Variants in PCLO observed in about 807,000 individuals in gnomAD.
PCLO encodes the protein protein piccolo.
In PCLO, 82 loss-of-function variants were observed where a neutral mutation model predicts 427.5. That is an observed-to-expected ratio of 0.19 (90% CI 0.16 to 0.23). The LOEUF (loss-of-function observed/expected upper bound fraction) is 0.23. Among genes scored for constraint, PCLO ranks in the 10% least tolerant of loss-of-function variants. The pLI, the probability that PCLO is intolerant of heterozygous loss-of-function variation, is 1.00. For synonymous variants in PCLO, 2,357 were observed against 2,155.4 expected (o/e 1.09, Z -2.59); for missense variants, 6,239 against 6,115.9 (o/e 1.02, Z -0.67).
Position 82,909,023 on chromosome 7 carries a change from C to T in PCLO, c.13301-10G>A. 6.2e-7 allele frequency: 1 copy of T among 1,611,646 alleles called. No individual in the cohort carries two copies. The highest frequency in any genetic ancestry group is 8.5e-7 in the Non-Finnish European group (1 of 1,178,672). On this transcript the variant is annotated splice_polypyrimidine_tract_variant and intron_variant, in intron 7 of 24. Transcript: ENST00000333891. ...CGACGCAGATGATAGGCTTTGGACA[C>T]CAAGGAAACATCATACATTGCAACG...
At chr7:82,971,612 A>G (rs1316052081) in intron 3 of PCLO, among the ~76,000 whole-genome samples, 2 of 147,652 alleles carry the variant, frequency 1.4e-5, no homozygotes, top group East Asian at 1.9e-4. Context: ...ATGATATATG[A>G]TATCGTATAG....
chr7:82,882,424 A>G (rs1793530493), intron 9 of PCLO, among the ~76,000 whole-genome samples: 1 of 152,142 alleles, frequency 6.6e-6, no homozygotes, highest in African/African-American at 2.4e-5. Context: ...ATCTCAAAAC[A>G]TTGATGAAAT....
At chr7:82,997,544 C>T (rs1457297141) in intron 3 of PCLO, among the ~76,000 whole-genome samples, 1 of 151,862 alleles carries the variant, frequency 6.6e-6, no homozygotes, top group Non-Finnish European at 1.5e-5. Flanking sequence ...AAGAGATCTC[C>T]CTATAATCTA....
At chr7:82,923,165 T>C (rs1407226243) in intron 6 of PCLO, among the ~76,000 whole-genome samples, 2 of 152,020 alleles carry the variant, frequency 1.3e-5, no homozygotes, top group Admixed American at 1.3e-4. Flanking sequence ...GAGAGAATGA[T>C]TGATTAAGAT....
chr7:82,902,346 T>C (rs1794064499), intron 9 of PCLO, among the ~76,000 whole-genome samples: 1 of 151,826 alleles, frequency 6.6e-6, no homozygotes, highest in Non-Finnish European at 1.5e-5. Context: ...AAACACCGCA[T>C]GTTCTCACTC....
At chr7:83,145,390 T>G (rs943546972) in intron 2 of PCLO, among the ~76,000 whole-genome samples, 1 of 152,290 alleles carries the variant, frequency 6.6e-6, no homozygotes, top group South Asian at 2.1e-4. Context: ...TCTTTTTAAC[T>G]TTAAGGATAT....
At chr7:82,904,667 AG>A (rs762288611) in intron 8 of PCLO, among the ~76,000 whole-genome samples, 118 of 152,078 alleles carry the variant, frequency 7.8e-4, no homozygotes, top group Non-Finnish European at 7.4e-4. Flanking sequence ...CAGGCTGGGG[AG>A]ACGTTGATGT....
At chr7:82,971,561 T>C (rs1191596025) in intron 3 of PCLO, among the ~76,000 whole-genome samples, 4 of 147,408 alleles carry the variant, frequency 2.7e-5, no homozygotes, top group Non-Finnish European at 6.0e-5. Flanking sequence ...TCATATAATA[T>C]ATATCATGTT....
In PCLO at chr7:82,915,188, T is replaced by C. The variant is rs776253421; in HGVS notation, c.12798A>G (p.Thr4266=). The change falls in exon 7 of 25, where the codon ACA becomes ACG. Residue 4266 remains threonine, a synonymous_variant. Transcript: ENST00000333891. ...GAGCTGAGCGTATGGTATTTCCTAA[T>C]GTGCCCAGTCCTGTGCCAAGAGAAG... ...MGSSLGTGLG[T]LGNTIRSALQ... is the part of the protein sequence containing the mutation. 1.2e-5 allele frequency: 19 copies of C among 1,608,394 alleles called. No homozygotes were observed. Among genetic ancestry groups the C allele is most frequent in the Non-Finnish European group, 1.5e-5 (18 of 1,177,034 alleles).
intron 12 of PCLO, among the ~76,000 whole-genome samples, chr7:82,845,714 C>T (rs888012139): frequency 3.9e-5 from 6 of 151,992 alleles, no homozygotes; most frequent in South Asian, 4.1e-4. Flanking sequence ...GTGAAGTTCC[C>T]GTTGCATCTT....
intron 3 of PCLO, among the ~76,000 whole-genome samples, chr7:83,123,014 T>G (rs75782474): frequency 0.027 from 4,052 of 152,256 alleles, 170 homozygotes; most frequent in African/African-American, 0.093. Context: ...TAGTTCATGT[T>G]TATGGATTAG....
At chr7:82,876,666 G>T (rs2116026804) in intron 10 of PCLO, among the ~76,000 whole-genome samples, 1 of 152,156 alleles carries the variant, frequency 6.6e-6, no homozygotes, top group South Asian at 2.1e-4. Context: ...GGCGAGAAAA[G>T]ATATGATGTA....
chr7:82,854,292 C>A (rs954518770), intron 10 of PCLO, among the ~76,000 whole-genome samples: 1 of 152,040 alleles, frequency 6.6e-6, no homozygotes, highest in Non-Finnish European at 1.5e-5. Context: ...AATCTGCAGT[C>A]TGAATCTAAA....
intron 22 of PCLO, among the ~76,000 whole-genome samples, chr7:82,777,920 G>A (rs373864575): frequency 2.0e-5 from 3 of 152,168 alleles, no homozygotes; most frequent in East Asian, 1.9e-4. Flanking sequence ...TTGACAAATG[G>A]GATCTAAGAA....
At chr7:83,021,795 C>A (rs577894814) in intron 3 of PCLO, among the ~76,000 whole-genome samples, 1 of 151,986 alleles carries the variant, frequency 6.6e-6, no homozygotes, top group Non-Finnish European at 1.5e-5. Context: ...GAGTTCAATA[C>A]GGAAGCTAAA....
chr7:82,888,902 G>A (rs766022220), intron 9 of PCLO, among the ~76,000 whole-genome samples: 11 of 152,100 alleles, frequency 7.2e-5, no homozygotes, highest in Non-Finnish European at 1.3e-4. Context: ...TAGATGCTGC[G>A]TAATTTTCTG....
intron 3 of PCLO, among the ~76,000 whole-genome samples, chr7:83,005,730 T>C (rs1787930169): frequency 6.6e-6 from 1 of 151,704 alleles, no homozygotes; most frequent in Middle Eastern, 3.4e-3. Context: ...TATACATACT[T>C]TTTATTTGTT....
chr7:82,963,345 C>T (rs991812036), intron 4 of PCLO, among the ~76,000 whole-genome samples: 4 of 151,852 alleles, frequency 2.6e-5, no homozygotes, highest in African/African-American at 9.7e-5. Context: ...ATTTTAAAAT[C>T]CCCACATTTT....
intron 3 of PCLO, among the ~76,000 whole-genome samples, chr7:82,988,123 T>C (rs1008008757): frequency 6.6e-6 from 1 of 152,108 alleles, no homozygotes; most frequent in Non-Finnish European, 1.5e-5. Flanking sequence ...CTAGTGATCC[T>C]CCCACCTCAG....
Sources: gnomAD v4.1 joint callset for allele counts (sites outside exome capture counted in the v4.1 genomes callset) on GRCh38, gnomAD v4.1.1 for gene constraint, MANE v1.5 for transcripts, NCBI Gene and HGNC (gene_info 2026-07-23, HGNC 2026-07-21) for gene names.